The following TMEM132D variants were observed in gnomAD, a reference collection of about 807,000 sequenced individuals.
TMEM132D encodes mature OL transmembrane protein.
Under a neutral mutation model 62.3 loss-of-function variants are expected in TMEM132D, and 21 were observed. The ratio of observed to expected loss-of-function variants is 0.34; its 90% CI spans 0.24 to 0.49. TMEM132D has a LOEUF of 0.49. Among genes scored for constraint, TMEM132D ranks in the 20% least tolerant of loss-of-function variants. The probability of loss-of-function intolerance (pLI) is 0.99; values close to 1 mark genes in which losing one functional copy is unlikely to be tolerated. For missense variants in TMEM132D, 1,346 were observed against 1,402.8 expected (o/e 0.96, Z 0.65); for synonymous variants, 621 against 575.6 (o/e 1.08, Z -1.13).
chr12:129,584,526 T>C (rs1451945545), intron 2 of TMEM132D, among the ~76,000 whole-genome samples: 1 of 152,226 alleles, frequency 6.6e-6, no homozygotes, highest in Non-Finnish European at 1.5e-5. Flanking sequence ...TGACTTGCTT[T>C]GGCCTCTGGT....
intron 5 of TMEM132D, among the ~76,000 whole-genome samples, chr12:129,152,383 A>C (rs1184429839): frequency 1.3e-5 from 2 of 152,170 alleles, no homozygotes; most frequent in East Asian, 1.9e-4. Flanking sequence ...TTTGTCTTGT[A>C]ATCAGTGTCA....
At chr12:129,680,013 A>G (rs1250858612) in intron 2 of TMEM132D, among the ~76,000 whole-genome samples, 1 of 152,122 alleles carries the variant, frequency 6.6e-6, no homozygotes, top group Admixed American at 6.5e-5. Flanking sequence ...TCCATGCTTT[A>G]TCTTGCAAAA....
intron 1 of TMEM132D, among the ~76,000 whole-genome samples, chr12:129,769,233 T>C (rs754977611): frequency 6.6e-6 from 1 of 152,058 alleles, no homozygotes; most frequent in Non-Finnish European, 1.5e-5. Context: ...GGCTAATTTA[T>C]AAAGAAAAAG....
chr12:129,617,161 G>A (rs1377882572), intron 2 of TMEM132D, among the ~76,000 whole-genome samples: 5 of 152,208 alleles, frequency 3.3e-5, no homozygotes, highest in Non-Finnish European at 7.3e-5. Flanking sequence ...TGTGAGTGAA[G>A]CCTGCAGGTG....
At chr12:129,563,886 G>A (rs184356781) in intron 2 of TMEM132D, among the ~76,000 whole-genome samples, 8 of 152,234 alleles carry the variant, frequency 5.3e-5, no homozygotes, top group Admixed American at 3.9e-4. Flanking sequence ...CTGACATGGC[G>A]GTACTGCATT....
intron 2 of TMEM132D, among the ~76,000 whole-genome samples, chr12:129,620,049 C>A (rs983783605): frequency 7.9e-5 from 12 of 152,166 alleles, no homozygotes; most frequent in Admixed American, 7.9e-4. Context: ...GTCCCTAAAC[C>A]TGCTCATCCT....
At chr12:129,167,159 A>T (rs113639334) in intron 5 of TMEM132D, among the ~76,000 whole-genome samples, 4,095 of 106,542 alleles carry the variant, frequency 0.038, 127 homozygotes, top group East Asian at 0.16. Flanking sequence ...GACTCTGTTT[A>T]AAAAAAAAAA....
chr12:129,514,855 CACTGTTCCTATGGGAAAATA>C, intron 3 of TMEM132D, among the ~76,000 whole-genome samples: 1 of 152,168 alleles, frequency 6.6e-6, no homozygotes, highest in Non-Finnish European at 1.5e-5. Context: ...GAAATTGCAG[CACTGTTCCTATGGGAAAATA>C]GAGTCCAGCG....
intron 1 of TMEM132D, among the ~76,000 whole-genome samples, chr12:129,748,663 TAAG>T (rs1869897752): frequency 6.6e-6 from 1 of 151,988 alleles, no homozygotes; most frequent in African/African-American, 2.4e-5. Flanking sequence ...AAAAACAAAG[TAAG>T]AAGAGAAGAA....
chr12:129,551,085 C>G (rs1876881627), intron 2 of TMEM132D, among the ~76,000 whole-genome samples: 3 of 152,228 alleles, frequency 2.0e-5, no homozygotes, highest in Non-Finnish European at 4.4e-5. Context: ...CAAGAGCCAG[C>G]CTCAACCATT....
chr12:129,101,492 A>G (rs1350750916), intron 5 of TMEM132D, among the ~76,000 whole-genome samples: 1 of 152,136 alleles, frequency 6.6e-6, no homozygotes, highest in Non-Finnish European at 1.5e-5. Flanking sequence ...TGTGAGCACC[A>G]AGCAAGAAAA....
chr12:129,518,634 G>T (rs557008169), intron 3 of TMEM132D, among the ~76,000 whole-genome samples: 3 of 151,896 alleles, frequency 2.0e-5, no homozygotes, highest in African/African-American at 7.2e-5. Flanking sequence ...AAATCAGGTT[G>T]CTACTCTATA....
intron 1 of TMEM132D, among the ~76,000 whole-genome samples, chr12:129,901,219 T>G (rs1875341645): frequency 1.3e-5 from 2 of 152,216 alleles, no homozygotes; most frequent in African/African-American, 4.8e-5. Flanking sequence ...CTTTTCAATA[T>G]AGTCCATACT....
At chr12:129,621,821 C>T (rs1407404712) in intron 2 of TMEM132D, among the ~76,000 whole-genome samples, 4 of 152,178 alleles carry the variant, frequency 2.6e-5, no homozygotes, top group African/African-American at 7.2e-5. Flanking sequence ...AGGCAGGTTT[C>T]GAACCCAGGT....
intron 1 of TMEM132D, among the ~76,000 whole-genome samples, chr12:129,786,341 C>T (rs189033851): frequency 3.3e-5 from 5 of 152,174 alleles, no homozygotes; most frequent in African/African-American, 4.8e-5. Flanking sequence ...GTTGAGCTTC[C>T]GCAGCAGTGA....
At chr12:129,179,135 G>T (rs117964258) in intron 5 of TMEM132D, among the ~76,000 whole-genome samples, 1 of 152,104 alleles carries the variant, frequency 6.6e-6, no homozygotes, top group Non-Finnish European at 1.5e-5. Flanking sequence ...GCCCATCAGC[G>T]TACAGAAACG....
rs534163795 is a variant in TMEM132D, at chr12:129,724,177, C to G, written c.80-23479G>C. Among the ~76,000 whole-genome samples the G allele has an allele frequency of 3.3e-5, 5 of 152,300 alleles. No homozygotes were observed. The South Asian group carries it at 1.0e-3, about 32-fold the overall frequency. On this transcript the variant is annotated intron_variant, in intron 1 of 8. Coordinates refer to ENST00000422113, the MANE Select transcript of TMEM132D (RefSeq NM_133448.3). ...CATCAGCCTGGGTCCCTGAATGTTTCTGTAGAGCCGACTATCATTAGATAT... is the reference window on the plus strand; with the variant it reads ...CATCAGCCTGGGTCCCTGAATGTTTGTGTAGAGCCGACTATCATTAGATAT...
At chr12:129,204,263 C>CA (rs1878785126) in intron 5 of TMEM132D, among the ~76,000 whole-genome samples, 1 of 152,028 alleles carries the variant, frequency 6.6e-6, no homozygotes, top group Non-Finnish European at 1.5e-5. Flanking sequence ...ATATCAAACC[C>CA]AATCTAAGGA....
At chr12:129,543,405 G>C (rs1232922978) in intron 2 of TMEM132D, among the ~76,000 whole-genome samples, 1 of 55,096 alleles carries the variant, frequency 1.8e-5, no homozygotes, top group Non-Finnish European at 3.3e-5. Flanking sequence ...TGGATGGATG[G>C]ATAGACAGAT....
Sources: allele counts gnomAD v4.1 joint callset (sites outside exome capture counted in the v4.1 genomes callset), GRCh38; gene constraint gnomAD v4.1.1; transcripts MANE v1.5; gene names NCBI Gene and HGNC (gene_info 2026-07-23, HGNC 2026-07-21).